Variants in SHISA9 observed in about 807,000 individuals in gnomAD.
The protein encoded by SHISA9 is shisa family member 9.
A neutral mutation model predicts 38.0 loss-of-function variants in SHISA9; 13 were observed. The observed-to-expected ratio is 0.34, with a 90% CI of 0.22 to 0.54. SHISA9 has a LOEUF of 0.54. Ranked by LOEUF, SHISA9 falls within the 20% of genes least tolerant of loss-of-function variation. SHISA9 has a pLI of 0.91. For synonymous variants in SHISA9, 275 were observed against 242.0 expected, an observed-to-expected ratio of 1.14 and a Z score of -1.27; for missense variants, 538 against 575.8, an observed-to-expected ratio of 0.93 and a Z score of 0.67.
intron 2 of SHISA9, among the ~76,000 whole-genome samples, chr16:12,970,803 T>A (rs1267755168): frequency 2.0e-5 from 3 of 151,672 alleles, no homozygotes; most frequent in Non-Finnish European, 1.5e-5. Context: ...GGATTACAGG[T>A]GTGAGCCACC....
chr16:13,205,053 G>T (rs1288014832), intron 3 of SHISA9: 1 of 152,144 alleles, frequency 6.6e-6, no homozygotes, highest in Non-Finnish European at 1.5e-5. Context: ...CAACCTCAGG[G>T]TTCCCTAAAT....
intron 2 of SHISA9, among the ~76,000 whole-genome samples, chr16:12,978,348 C>T (rs1184425719): frequency 3.3e-5 from 5 of 152,000 alleles, no homozygotes; most frequent in Middle Eastern, 3.2e-3. Context: ...TTATGATAGC[C>T]GATTTATATA....
chr16:13,269,955 G>C, the SHISA9 span, among the ~76,000 whole-genome samples: 1 of 152,156 alleles, frequency 6.6e-6, no homozygotes, highest in Non-Finnish European at 1.5e-5. Context: ...GCTGACATTT[G>C]CCAAAAGTGA....
At chr16:13,475,248 G>T in the SHISA9 span, among the ~76,000 whole-genome samples, 1 of 151,850 alleles carries the variant, frequency 6.6e-6, no homozygotes, top group Admixed American at 6.6e-5. Context: ...ATGAGAAAAA[G>T]GAATCAAGGA....
chr16:13,260,482 C>G, the SHISA9 span, among the ~76,000 whole-genome samples: 17 of 152,196 alleles, frequency 1.1e-4, no homozygotes, highest in African/African-American at 4.1e-4. Flanking sequence ...TTTTCAAGTT[C>G]AAAATTCCAC....
the SHISA9 span, among the ~76,000 whole-genome samples, chr16:13,469,347 AAAGAAAG>A: frequency 1.6e-5 from 2 of 127,974 alleles, no homozygotes; most frequent in South Asian, 2.7e-4. Flanking sequence ...AGAAAGAAAG[AAAGAAAG>A]AAAGAAAAGA....
the SHISA9 span, among the ~76,000 whole-genome samples, chr16:13,385,273 T>G: frequency 6.6e-6 from 1 of 152,204 alleles, no homozygotes; most frequent in African/African-American, 2.4e-5. Context: ...CCTGCAAGAA[T>G]CAGCAATTGT....
the SHISA9 span, among the ~76,000 whole-genome samples, chr16:13,399,760 G>T: frequency 1.3e-5 from 2 of 152,182 alleles, no homozygotes; most frequent in African/African-American, 2.4e-5. Context: ...TGGGGATCTG[G>T]TTACAATTCA....
chr16:13,239,881 G>A lies in SHISA9; in HGVS notation c.*4472G>A, dbSNP rs543950980. On this transcript the variant is annotated 3_prime_UTR_variant, in exon 5 of 5. Transcript: ENST00000558583. ...ATTTTGGCTTCCTCTTGGGAGGGTA[G>A]ACAGACCTCACAATATGGAAAGACG... 9 of 152,282 alleles carry A rather than the reference G, an allele frequency of 5.9e-5. No individual in the cohort carries two copies. In the South Asian group the frequency reaches 1.7e-3, roughly 28 times the overall value. The allele number at this position is 152,282 out of a possible 1,614,324, so 9.4% of individuals were successfully genotyped here. A position where few individuals can be genotyped will look rare whatever the true frequency, so the allele number is the denominator to read the frequency against.
At chr16:12,920,005 T>C (rs972744242) in intron 2 of SHISA9, among the ~76,000 whole-genome samples, 1 of 152,218 alleles carries the variant, frequency 6.6e-6, no homozygotes, top group Non-Finnish European at 1.5e-5. Flanking sequence ...TGACTGCCAG[T>C]GACACCCCTC....
At position 13,002,959 on chromosome 16, in the gene SHISA9, G is replaced by A. The variant is rs550550696; in HGVS notation, c.691+86144G>A. Among the ~76,000 whole-genome samples the A allele has an allele frequency of 2.7e-3, 407 of 152,228 alleles. 2 individuals are homozygous for A. The highest frequency in any genetic ancestry group is 9.1e-3 in the African/African-American group (378 of 41,530). ...GAATTAATGCATCTAAGAGGGACAC[G>A]AGGTTGAACATTAGAGATGGGAAGG... On this transcript the variant is annotated intron_variant, in intron 2 of 4. Coordinates refer to ENST00000558583, the MANE Select transcript of SHISA9 (RefSeq NM_001145204.3).
At chr16:13,280,747 C>G in the SHISA9 span, among the ~76,000 whole-genome samples, 4 of 151,702 alleles carry the variant, frequency 2.6e-5, no homozygotes, top group Admixed American at 2.0e-4. Context: ...CATACCCACC[C>G]TTTAACTCAA....
At chr16:13,524,920 T>C in the SHISA9 span, among the ~76,000 whole-genome samples, 8 of 152,096 alleles carry the variant, frequency 5.3e-5, no homozygotes, top group Non-Finnish European at 1.2e-4. Context: ...TAAATGCCCA[T>C]AGCACCCTCT....
intron 2 of SHISA9, among the ~76,000 whole-genome samples, chr16:12,951,412 G>A (rs2141775978): frequency 6.6e-6 from 1 of 152,216 alleles, no homozygotes; most frequent in East Asian, 1.9e-4. Context: ...AGGGTGCACA[G>A]TCTCTGTTGT....
the SHISA9 span, among the ~76,000 whole-genome samples, chr16:13,554,452 C>A: frequency 1.3e-5 from 2 of 150,836 alleles, no homozygotes; most frequent in Non-Finnish European, 2.9e-5. Context: ...ATGGTAAAAT[C>A]TCTGTGACAC....
the SHISA9 span, among the ~76,000 whole-genome samples, chr16:13,447,058 A>AG: frequency 4.0e-5 from 6 of 149,944 alleles, no homozygotes; most frequent in Non-Finnish European, 5.9e-5. Context: ...GAGAGAGAGA[A>AG]AGAAAGAATA....
the SHISA9 span, among the ~76,000 whole-genome samples, chr16:13,533,501 C>T: frequency 6.6e-6 from 1 of 152,126 alleles, no homozygotes; most frequent in African/African-American, 2.4e-5. Context: ...ACCTCCAATG[C>T]TTCTCCAATC....
chr16:13,480,678 T>C, the SHISA9 span, among the ~76,000 whole-genome samples: 1 of 152,166 alleles, frequency 6.6e-6, no homozygotes, highest in African/African-American at 2.4e-5. Context: ...CCTATCAGCC[T>C]CTCATCCAAG....
At chr16:13,412,428 T>C in the SHISA9 span, among the ~76,000 whole-genome samples, 1 of 152,140 alleles carries the variant, frequency 6.6e-6, no homozygotes, top group Non-Finnish European at 1.5e-5. Flanking sequence ...TTCTTTCTTC[T>C]CTATTCCTTC....
Sources: gnomAD v4.1 joint callset for allele counts (sites outside exome capture counted in the v4.1 genomes callset) on GRCh38, gnomAD v4.1.1 for gene constraint, MANE v1.5 for transcripts, NCBI Gene and HGNC (gene_info 2026-07-23, HGNC 2026-07-21) for gene names.